Variants in SARNP observed in about 807,000 individuals in gnomAD.
The protein encoded by SARNP is SAP domain containing ribonucleoprotein, also known as SAP domain-containing ribonucleoprotein.
SARNP carries 5 observed loss-of-function variants against 38.1 expected under a neutral mutation model. The ratio of observed to expected loss-of-function variants is 0.13; its 90% CI spans 0.07 to 0.28. The LOEUF is 0.28. Among genes scored for constraint, SARNP ranks in the 10% least tolerant of loss-of-function variants. The pLI is 1.00. For synonymous variants in SARNP, 84 were observed against 80.6 expected, an observed-to-expected ratio of 1.04 and a Z score of -0.23; for missense variants, 180 against 243.9, an observed-to-expected ratio of 0.74 and a Z score of 1.75.
chr12:55,760,908 G>A, intron 9 of SARNP: 1 of 340,350 alleles, frequency 2.9e-6, no homozygotes, highest in South Asian at 7.0e-5. Flanking sequence ...CGGGCACGGT[G>A]ACTCACACCT....
chr12:55,805,986 G>A (rs951264982), intron 1 of SARNP, among the ~76,000 whole-genome samples: 7 of 151,288 alleles, frequency 4.6e-5, no homozygotes, highest in Admixed American at 6.6e-5. Flanking sequence ...GCAGTGAGCC[G>A]AGATCACATC....
intron 2 of SARNP, among the ~76,000 whole-genome samples, 191 bp from the exon 3 acceptor site, chr12:55,801,091 TG>T (rs1437365966): frequency 6.6e-6 from 1 of 152,186 alleles, no homozygotes; most frequent in Admixed American, 6.5e-5. Context: ...ATTACAAATG[TG>T]AACTCCAGTT....
In SARNP at chr12:55,810,486, CTT is replaced by C. The variant is rs1437373077; in HGVS notation, c.37-6760_37-6759del. Among the ~76,000 whole-genome samples, 5 of 147,386 alleles carry C rather than the reference CTT, an allele frequency of 3.4e-5. No homozygotes were observed. The East Asian group carries it at 7.9e-4, about 23-fold the overall frequency. ...TTTTTTTTTGAGACTCAGTTTCACT[CTT>C]GTCACTCAGGCTGGAGTACAGTGGC... is the stretch of plus-strand genomic sequence containing the variant. On this transcript the variant is annotated intron_variant, in intron 1 of 10. Transcript: ENST00000336133.
At chr12:55,785,307 C>T (rs758131475) in intron 9 of SARNP, among the ~76,000 whole-genome samples, 8 of 151,988 alleles carry the variant, frequency 5.3e-5, no homozygotes, top group Non-Finnish European at 1.0e-4. Context: ...TTAAAATGGG[C>T]GCTGAAATCT....
At chr12:55,774,884 T>C (rs911426263) in intron 9 of SARNP, among the ~76,000 whole-genome samples, 1 of 87,866 alleles carries the variant, frequency 1.1e-5, no homozygotes, top group Non-Finnish European at 1.9e-5. Context: ...TTTCTATTTG[T>C]TTTTTTTTTT....
chr12:55,773,031 T>A (rs887548053), intron 9 of SARNP, among the ~76,000 whole-genome samples: 2 of 152,140 alleles, frequency 1.3e-5, no homozygotes, highest in Admixed American at 6.5e-5. Context: ...GCTGAAACTT[T>A]TCAGGAGACG....
At chr12:55,775,311 G>A (rs1418254857) in intron 9 of SARNP, among the ~76,000 whole-genome samples, 3 of 147,988 alleles carry the variant, frequency 2.0e-5, no homozygotes, top group Non-Finnish European at 1.5e-5. Context: ...GTAATCCCCA[G>A]CACTTTAGGA....
chr12:55,794,490 A>C, intron 6 of SARNP, 103 bp from the exon 7 acceptor site: 1 of 998,918 alleles, frequency 1.0e-6, no homozygotes, highest in Non-Finnish European at 1.5e-6. Context: ...TTGTGATCTC[A>C]AGCCTTGCAA....
intron 1 of SARNP, among the ~76,000 whole-genome samples, chr12:55,809,256 CG>C: frequency 6.6e-6 from 1 of 150,546 alleles, no homozygotes; most frequent in South Asian, 2.1e-4. Flanking sequence ...TTGTATGGTA[CG>C]TGAATTGTAT....
intron 9 of SARNP, among the ~76,000 whole-genome samples, chr12:55,768,501 T>C (rs541437710): frequency 2.0e-5 from 3 of 151,860 alleles, no homozygotes; most frequent in South Asian, 2.1e-4. Context: ...CTCGGCTCAC[T>C]GCAACCCCCA....
chr12:55,799,559 C>CTTTCTT (rs1879917798), intron 4 of SARNP, among the ~76,000 whole-genome samples: 1 of 112,248 alleles, frequency 8.9e-6, no homozygotes, highest in South Asian at 2.8e-4. Context: ...GAGTGTCACA[C>CTTTCTT]TTTTTTTTTT....
intron 4 of SARNP, among the ~76,000 whole-genome samples, chr12:55,800,254 C>CTA (rs768397207): frequency 6.6e-6 from 1 of 152,030 alleles, no homozygotes; most frequent in Non-Finnish European, 1.5e-5. Context: ...TACAGATTCT[C>CTA]TATAGAGTAA....
chr12:55,782,281 C>T (rs1879361105), intron 9 of SARNP, among the ~76,000 whole-genome samples: 1 of 152,196 alleles, frequency 6.6e-6, no homozygotes, highest in African/African-American at 2.4e-5. Flanking sequence ...CCCTCACATT[C>T]CTGGGGAAGG....
intron 1 of SARNP, among the ~76,000 whole-genome samples, chr12:55,815,146 C>A (rs1355164500): frequency 6.6e-6 from 1 of 152,160 alleles, no homozygotes; most frequent in African/African-American, 2.4e-5. Flanking sequence ...CAGCCTTGGC[C>A]TCCCAGGCTC....
In SARNP at chr12:55,760,624, T is replaced by A. The variant is rs1489552392; in HGVS notation, c.518A>T (p.Lys173Ile). 1 of 1,612,098 alleles carries A rather than the reference T, an allele frequency of 6.2e-7. No individual in the cohort carries two copies. Among genetic ancestry groups the A allele is most frequent in the African/African-American group, 1.3e-5 (1 of 74,876 alleles). The change falls in exon 10 of 11, where the codon AAA becomes ATA. Residue 173 changes from lysine to isoleucine, a missense_variant. Transcript: ENST00000336133. Reference protein sequence around the residue: ...SISRKSEDDEKLKKRKERFGI... With the variant: ...SISRKSEDDEILKKRKERFGI... Reference sequence around the variant, plus strand: ...AAATCGCTCCTTCCTCTTTTTCAGTTTCTCATCATCTTCAGACTGTTCAAG... The same window carrying A: ...AAATCGCTCCTTCCTCTTTTTCAGTATCTCATCATCTTCAGACTGTTCAAG...
intron 9 of SARNP, among the ~76,000 whole-genome samples, chr12:55,786,641 G>A (rs919434637): frequency 3.3e-5 from 5 of 151,964 alleles, no homozygotes; most frequent in Admixed American, 1.3e-4. Flanking sequence ...AGAAGAGATG[G>A]GGTTTCACCA....
chr12:55,813,288 T>C (rs369879775), intron 1 of SARNP, among the ~76,000 whole-genome samples: 1 of 152,254 alleles, frequency 6.6e-6, no homozygotes, highest in Non-Finnish European at 1.5e-5. Flanking sequence ...TATGAAATTA[T>C]ATAAAAAGTG....
rs148098816 is a variant in SARNP, at chr12:55,796,034, T to C, written c.294A>G (p.Pro98=). ...GGAGCAGAATACCTACCTCAGTCTG[T>C]GGTATTTCAGATGTAATTTTCACCA... ...KKVVKITSEI[P]QTERMQKRAE... is the part of the protein sequence containing the mutation. The change falls in exon 5 of 11, where the codon CCA becomes CCG. Residue 98 remains proline (P), a synonymous_variant. Coordinates refer to ENST00000336133, the MANE Select transcript of SARNP (RefSeq NM_033082.4). The C allele has an allele frequency of 4.9e-5, 79 of 1,603,828 alleles. No homozygotes were observed. In the African/African-American group the frequency reaches 8.8e-4, roughly 18 times the overall value.
chr12:55,775,536 AAAAAACAAAAAAC>A (rs1329747014), intron 9 of SARNP, among the ~76,000 whole-genome samples: 390 of 147,030 alleles, frequency 2.7e-3, no homozygotes, highest in African/African-American at 5.0e-3. Context: ...CTCAAAAAAA[AAAAAACAAAAAAC>A]AAAAACAAAA....
Sources: gnomAD v4.1 joint callset for allele counts (sites outside exome capture counted in the v4.1 genomes callset) on GRCh38, gnomAD v4.1.1 for gene constraint, MANE v1.5 for transcripts, NCBI Gene and HGNC (gene_info 2026-07-23, HGNC 2026-07-21) for gene names.